ADGRA1: variants seen among roughly 807,000 people sequenced by gnomAD.
ADGRA1 encodes G-protein coupled receptor 123.
A neutral mutation model predicts 21.3 loss-of-function variants in ADGRA1; 12 were observed. That is an observed-to-expected ratio of 0.56 (90% CI 0.36 to 0.91). The LOEUF is 0.91. ADGRA1 is among the 40% of genes least tolerant of loss of function. The probability of loss-of-function intolerance (pLI) is 0.01; values close to 1 mark genes in which losing one functional copy is unlikely to be tolerated. For missense variants in ADGRA1, 790 were observed against 805.6 expected (o/e 0.98, Z 0.23); for synonymous variants, 385 against 368.8 (o/e 1.04, Z -0.50).
At chr10:133,106,575 T>C (rs903908855) in intron 5 of ADGRA1, among the ~76,000 whole-genome samples, 2 of 152,180 alleles carry the variant, frequency 1.3e-5, no homozygotes, top group Admixed American at 6.5e-5. Context: ...GTGCCCAGGA[T>C]GGGCACAGCC....
chr10:133,089,383 G>A (rs1210343313), intron 2 of ADGRA1, among the ~76,000 whole-genome samples: 2 of 152,206 alleles, frequency 1.3e-5, no homozygotes, highest in Admixed American at 1.3e-4. Context: ...AGGCTGTGGC[G>A]GAGAGAAGGC....
At chr10:133,102,414 A>G in intron 4 of ADGRA1, 1 of 569,860 alleles carries the variant, frequency 1.8e-6, no homozygotes, top group South Asian at 1.5e-5. Flanking sequence ...CGGGTTGTGC[A>G]TGCAGAGGGG....
rs1234913166 is a variant in ADGRA1, at chr10:133,128,429, C to T, written c.601C>T (p.Leu201=). 3 of 1,605,782 alleles carry T rather than the reference C, an allele frequency of 1.9e-6. No individual in the cohort carries two copies. The highest frequency in any genetic ancestry group is 2.5e-6 in the Non-Finnish European group (3 of 1,177,172). The change falls in exon 7 of 7, where the codon CTG becomes TTG. Residue 201 remains leucine, a synonymous_variant. Transcript: ENST00000392607. ...CVYFLGTYVQ[L]RRHPGRRYEL... is the part of the protein sequence containing the mutation. ...GTACTTCCTGGGCACCTACGTGCAG[C>T]TGCGGCGCCACCCAGGGCGCAGGTA... is the stretch of plus-strand genomic sequence containing the variant.
In ADGRA1 at chr10:133,129,232, G is replaced by T. The variant is rs778390196; in HGVS notation, c.1404G>T (p.Thr468=). The change falls in exon 7 of 7, where the codon ACG becomes ACT. Residue 468 remains threonine, a synonymous_variant. Coordinates refer to ENST00000392607, the MANE Select transcript of ADGRA1 (RefSeq NM_001083909.3). The part of the protein sequence containing the change: ...SSLDGPAGTH[T]LACCTQGDPF... ...TGGATGGCCCGGCGGGGACACACAC[G>T]CTGGCCTGCTGCACCCAGGGCGACC... 4.5e-6 allele frequency: 7 copies of T among 1,549,458 alleles called. No individual in the cohort carries two copies. The highest frequency in any genetic ancestry group is 1.8e-4 in the Middle Eastern group (1 of 5,712).
At chr10:133,096,427 C>A (rs570277495) in intron 2 of ADGRA1, among the ~76,000 whole-genome samples, 47 of 152,206 alleles carry the variant, frequency 3.1e-4, no homozygotes, top group Admixed American at 9.8e-4. Context: ...GTGGAGTTTG[C>A]GGCCTCCGGT....
intron 5 of ADGRA1, among the ~76,000 whole-genome samples, chr10:133,122,214 C>T (rs570052957): frequency 1.2e-4 from 18 of 152,332 alleles, no homozygotes; most frequent in African/African-American, 2.2e-4. Flanking sequence ...CACCTGGGCC[C>T]AGGACCTTTT....
intron 2 of ADGRA1, chr10:133,095,870 G>C (rs1003754710): frequency 2.0e-6 from 3 of 1,477,122 alleles, no homozygotes; most frequent in South Asian, 1.3e-5. Context: ...CCAGAGGCCC[G>C]GCCGGCTGCC....
rs764437974 is a variant in ADGRA1 at position 133,129,516 on chromosome 10, G to A, written c.*5G>A. The A allele has an allele frequency of 1.9e-6, 3 of 1,579,640 alleles. No individual in the cohort carries two copies. Among genetic ancestry groups the A allele is most frequent in the South Asian group, 1.1e-5 (1 of 88,596 alleles). On this transcript the variant is annotated 3_prime_UTR_variant, in exon 7 of 7. Transcript: ENST00000392607. ...AAAAACGAAACTACTGTGTAGATGG[G>A]GGCAGAGGACACGGTGTTCCTGGAG...
chr10:133,089,033 T>C (rs1280695033), intron 2 of ADGRA1, 121 bp downstream of exon 2: 14 of 1,234,230 alleles, frequency 1.1e-5, no homozygotes, highest in Non-Finnish European at 1.3e-5. Context: ...TGACCGGGCT[T>C]CCGGGCTCAG....
At chr10:133,106,528 T>C (rs915081112) in intron 5 of ADGRA1, among the ~76,000 whole-genome samples, 1 of 151,994 alleles carries the variant, frequency 6.6e-6, no homozygotes, top group Admixed American at 6.6e-5. Context: ...TGCATCCCTG[T>C]GGGCGTCCCC....
intron 5 of ADGRA1, among the ~76,000 whole-genome samples, chr10:133,120,814 A>G (rs2135902916): frequency 6.6e-6 from 1 of 152,354 alleles, no homozygotes; most frequent in Non-Finnish European, 1.5e-5. Flanking sequence ...CTTTGCATTC[A>G]CAACGTGGCT....
chr10:133,118,359 G>C (rs1442548316), intron 5 of ADGRA1, among the ~76,000 whole-genome samples: 1 of 152,158 alleles, frequency 6.6e-6, no homozygotes, highest in Non-Finnish European at 1.5e-5. Flanking sequence ...TTTATGTGCT[G>C]TATTAGTCCA....
intron 6 of ADGRA1, 78 bp from the exon 7 acceptor site, chr10:133,128,251 G>T: frequency 8.8e-7 from 1 of 1,133,758 alleles, no homozygotes; most frequent in Non-Finnish European, 1.2e-6. Flanking sequence ...GGTGGGTGCA[G>T]GGCCCTTTGC....
Position 133,112,892 on chromosome 10 carries a change from G to A in ADGRA1, c.401+10050G>A, listed in dbSNP as rs1278751375. Among the ~76,000 whole-genome samples, 15 of 145,592 alleles carry A rather than the reference G, an allele frequency of 1.0e-4. 1 individual carries two copies. The East Asian group carries it at 1.9e-3, about 19-fold the overall frequency. Reference sequence around the variant, plus strand: ...CGGTTATTTGGGGTCTGCGGGCCGCGTCAGTTCGGTTATTTGGGGTCTGTA... The same window carrying A: ...CGGTTATTTGGGGTCTGCGGGCCGCATCAGTTCGGTTATTTGGGGTCTGTA... On this transcript the variant is annotated intron_variant, in intron 5 of 6. Transcript: ENST00000392607.
At chr10:133,097,851 C>T (rs114840704) in intron 3 of ADGRA1, among the ~76,000 whole-genome samples, 1,740 of 152,270 alleles carry the variant, frequency 0.011, 30 homozygotes, top group African/African-American at 0.039. Context: ...CACCCACTGC[C>T]TGTGTCCCTG....
At chr10:133,103,492 G>A (rs988722006) in intron 5 of ADGRA1, among the ~76,000 whole-genome samples, 5 of 152,330 alleles carry the variant, frequency 3.3e-5, no homozygotes, top group South Asian at 2.1e-4. Flanking sequence ...CCGCCGCCCC[G>A]GCGGCCTGCA....
At chr10:133,093,178 C>G in intron 2 of ADGRA1, 1 of 1,595,380 alleles carries the variant, frequency 6.3e-7, no homozygotes, top group Non-Finnish European at 8.5e-7. Flanking sequence ...ACCTCACCCG[C>G]AGGGAGGAAG....
At chr10:133,093,433 A>T (rs1851636995) in intron 2 of ADGRA1, among the ~76,000 whole-genome samples, 1 of 152,246 alleles carries the variant, frequency 6.6e-6, no homozygotes. Flanking sequence ...CTAAAGAAAG[A>T]GGAGACACAA....
At position 133,128,862 on chromosome 10, in the gene ADGRA1, A is replaced by G. The variant is rs1205775763; in HGVS notation, c.1034A>G (p.His345Arg). ...GCGCTGGGCCGCGCCGCCTGCCTGC[A>G]CTCGCCGGGACTGGGCCAGCCACGG... ...GAALGRAACL[H>R]SPGLGQPRGF... The change falls in exon 7 of 7, where the codon CAC becomes CGC. Residue 345 changes from histidine to arginine, a missense_variant. By Grantham distance (29) the His-to-Arg change is conservative (BLOSUM62 0). Transcript: ENST00000392607. 3 of 1,576,278 alleles carry G rather than the reference A, an allele frequency of 1.9e-6. No individual in the cohort carries two copies. The highest frequency in any genetic ancestry group is 2.6e-6 in the Non-Finnish European group (3 of 1,165,042).
Sources: allele counts gnomAD v4.1 joint callset (sites outside exome capture counted in the v4.1 genomes callset), GRCh38; gene constraint gnomAD v4.1.1; transcripts MANE v1.5; gene names NCBI Gene and HGNC (gene_info 2026-07-23, HGNC 2026-07-21).